FABP12: variants seen among roughly 807,000 people sequenced by gnomAD.
FABP12 encodes the protein fatty acid-binding protein 12.
A neutral mutation model predicts 13.7 loss-of-function variants in FABP12; 19 were observed. The observed-to-expected ratio is 1.39, with a 90% confidence interval of 0.97 to 2.04. The LOEUF (loss-of-function observed/expected upper bound fraction) is 2.04, where lower values mean the gene tolerates loss of function less well. FABP12 is among the 30% of genes most tolerant of loss of function. The probability of loss-of-function intolerance (pLI) is 0.00; values close to 1 mark genes in which losing one functional copy is unlikely to be tolerated. For missense variants in FABP12, 182 were observed against 164.2 expected, an observed-to-expected ratio of 1.11 and a Z score of -0.59; for synonymous variants, 61 against 57.0, an observed-to-expected ratio of 1.07 and a Z score of -0.32.
chr8:81,537,345 T>A (rs947138041), upstream of FABP12, among the ~76,000 whole-genome samples: 2 of 152,220 alleles, frequency 1.3e-5, no homozygotes, highest in Admixed American at 6.5e-5. Context: ...CTGGAATGGT[T>A]AATGAGCCTG....
At chr8:81,554,714 C>A (rs1563550614) in intron 1 of FABP12, among the ~76,000 whole-genome samples, 2 of 151,986 alleles carry the variant, frequency 1.3e-5, no homozygotes, top group Admixed American at 6.6e-5. Context: ...ACAAGGTGTC[C>A]AATCTTTTGG....
In FABP12 at chr8:81,588,406, T is replaced by A. The variant is rs534171330; in HGVS notation, c.-185+1647A>T. Among the ~76,000 whole-genome samples, 3 of 152,376 alleles carry A rather than the reference T, an allele frequency of 2.0e-5. No individual in the cohort carries two copies. In the South Asian group the frequency reaches 6.2e-4, roughly 32 times the overall value. On this transcript the variant is annotated intron_variant, in intron 1 of 5. Coordinates refer to the FABP12 transcript ENST00000692030. ...CTGGTATTTTATATTCTTTGTAAAT[T>A]GTAGCTATTACAAATGGGATTGCTT... is the stretch of plus-strand genomic sequence containing the variant.
intron 1 of FABP12, among the ~76,000 whole-genome samples, chr8:81,553,135 A>G (rs1292229100): frequency 2.6e-5 from 4 of 152,202 alleles, no homozygotes; most frequent in African/African-American, 7.2e-5. Context: ...CCCAAGGAAC[A>G]CTAACATTTA....
Position 81,577,229 on chromosome 8 carries a change from G to T in FABP12, c.-185+12824C>A, listed in dbSNP as rs193285108. ...CTACCTGTGGCACACAGCACACCAAGAATTTAGTTTCTCCACATTTGACAT... is the reference window on the plus strand; with the variant it reads ...CTACCTGTGGCACACAGCACACCAATAATTTAGTTTCTCCACATTTGACAT... On this transcript the variant is annotated intron_variant, in intron 1 of 5. Coordinates refer to the FABP12 transcript ENST00000692030. 3.3e-3 allele frequency among the ~76,000 whole-genome samples: 502 copies of T among 152,234 alleles called. 5 individuals are homozygous for T. Among genetic ancestry groups the T allele is most frequent in the African/African-American group, 0.011 (477 of 41,556 alleles).
At chr8:81,529,816 G>C (rs1450758188) in intron 2 of FABP12, among the ~76,000 whole-genome samples, 1 of 152,102 alleles carries the variant, frequency 6.6e-6, no homozygotes, top group Admixed American at 6.6e-5. Flanking sequence ...ACCATGACAT[G>C]TTAAAATAGA....
chr8:81,582,256 G>A (rs555782111), intron 1 of FABP12, among the ~76,000 whole-genome samples: 1 of 150,902 alleles, frequency 6.6e-6, no homozygotes, highest in African/African-American at 2.4e-5. Flanking sequence ...CCCAGTAGCT[G>A]AGACTACAGG....
intron 1 of FABP12, among the ~76,000 whole-genome samples, chr8:81,539,774 G>A (rs56363485): frequency 6.6e-6 from 1 of 152,200 alleles, no homozygotes; most frequent in Non-Finnish European, 1.5e-5. Flanking sequence ...AGCAAGGTCA[G>A]ACCCAGGCAG....
At chr8:81,529,360 A>G (rs774062672) in intron 3 of FABP12, 78 bp downstream of exon 3, 3 of 1,404,344 alleles carry the variant, frequency 2.1e-6, no homozygotes, top group Admixed American at 3.4e-5. Context: ...TATGTTTGCT[A>G]GAATTGCTTA....
intron 1 of FABP12, among the ~76,000 whole-genome samples, chr8:81,545,625 A>C (rs1732400600): frequency 2.6e-5 from 4 of 152,222 alleles, no homozygotes; most frequent in Admixed American, 2.6e-4. Flanking sequence ...AATGCATTCA[A>C]CAGTCACCTC....
intron 2 of FABP12, among the ~76,000 whole-genome samples, chr8:81,530,213 T>G (rs1393415183): frequency 6.6e-6 from 1 of 152,172 alleles, no homozygotes; most frequent in Non-Finnish European, 1.5e-5. Context: ...ATATGTTATA[T>G]CTACTGTTTT....
intron 1 of FABP12, among the ~76,000 whole-genome samples, chr8:81,572,782 C>T (rs1809959653): frequency 6.6e-6 from 1 of 151,932 alleles, no homozygotes; most frequent in African/African-American, 2.4e-5. Context: ...GTCCTTAGTC[C>T]ACTTTTTGAT....
At chr8:81,558,087 G>T (rs1038944955) in intron 1 of FABP12, among the ~76,000 whole-genome samples, 1 of 152,224 alleles carries the variant, frequency 6.6e-6, no homozygotes, top group South Asian at 2.1e-4. Context: ...CAGACACGAA[G>T]ATTGCATGAG....
chr8:81,537,180 T>C (rs1056626534), upstream of FABP12, among the ~76,000 whole-genome samples: 8 of 152,288 alleles, frequency 5.3e-5, no homozygotes, highest in African/African-American at 1.9e-4. Context: ...TAACATGAGA[T>C]GGTTATCAGT....
Position 81,527,010 on chromosome 8 carries a change from G to A in FABP12, c.348+10C>T. 6.4e-7 allele frequency: 1 copy of A among 1,556,652 alleles called. No homozygotes were observed. Among genetic ancestry groups the A allele is most frequent in the Non-Finnish European group, 8.8e-7 (1 of 1,134,706 alleles). On this transcript the variant is annotated intron_variant, in intron 4 of 4. Transcript: ENST00000360464. The stretch of plus-strand genomic sequence containing the variant: ...GAAGGTGGGAAGAAAGCGAGGATGG[G>A]CTAACTCACCACCACCATTTTCCCA...
chr8:81,549,119 C>G (rs552974358), intron 1 of FABP12, among the ~76,000 whole-genome samples: 94 of 152,002 alleles, frequency 6.2e-4, no homozygotes, highest in Admixed American at 1.6e-3. Context: ...TTTCCTGGGT[C>G]TCCAGTGCCA....
chr8:81,563,504 A>G (rs1809762025), intron 1 of FABP12, among the ~76,000 whole-genome samples: 1 of 152,200 alleles, frequency 6.6e-6, no homozygotes, highest in Non-Finnish European at 1.5e-5. Flanking sequence ...ATAGGTAATA[A>G]GTAATTTTGA....
At chr8:81,526,113 A>G (rs1431144951) in intron 4 of FABP12, 1 of 152,226 alleles carries the variant, frequency 6.6e-6, no homozygotes, top group African/African-American at 2.4e-5. Context: ...CCCCTTGTGA[A>G]TTTATAAGGA....
At chr8:81,538,750 C>G (rs978852755), upstream of FABP12, among the ~76,000 whole-genome samples, 1 of 152,100 alleles carries the variant, frequency 6.6e-6, no homozygotes, top group Non-Finnish European at 1.5e-5. Flanking sequence ...AAGTTTGTGG[C>G]AATTTGTTGT....
chr8:81,548,372 A>AT (rs1258215088), intron 1 of FABP12, among the ~76,000 whole-genome samples: 1 of 152,218 alleles, frequency 6.6e-6, no homozygotes, highest in Non-Finnish European at 1.5e-5. Context: ...CACACTTAGA[A>AT]AACTATTTTA....
Sources: gnomAD v4.1 joint callset for allele counts (sites outside exome capture counted in the v4.1 genomes callset) on GRCh38, gnomAD v4.1.1 for gene constraint, MANE v1.5 for transcripts, NCBI Gene and HGNC (gene_info 2026-07-23, HGNC 2026-07-21) for gene names.